The following THSD7B variants were observed in gnomAD, a reference collection of about 807,000 sequenced individuals.
THSD7B encodes the protein thrombospondin type-1 domain-containing protein 7B.
Under a neutral mutation model 213.6 loss-of-function variants are expected in THSD7B, and 138 were observed. That is an observed-to-expected ratio of 0.65 (90% CI 0.56 to 0.74). The LOEUF (loss-of-function observed/expected upper bound fraction) is 0.74. Among genes scored for constraint, THSD7B ranks in the 30% least tolerant of loss-of-function variants. The probability of loss-of-function intolerance (pLI) is 0.00; values close to 1 mark genes in which losing one functional copy is unlikely to be tolerated. For missense variants in THSD7B, 1,931 were observed against 1,991.5 expected (o/e 0.97, Z 0.58); for synonymous variants, 742 against 687.0 (o/e 1.08, Z -1.25).
At chr2:137,132,622 CT>C in intron 5 of THSD7B, among the ~76,000 whole-genome samples, 1 of 152,160 alleles carries the variant, frequency 6.6e-6, no homozygotes, top group East Asian at 1.9e-4. Flanking sequence ...TGTTTTCATT[CT>C]TGTTATCTTT....
At chr2:137,110,005 G>A (rs1276901826) in intron 4 of THSD7B, among the ~76,000 whole-genome samples, 1 of 152,108 alleles carries the variant, frequency 6.6e-6, no homozygotes, top group Non-Finnish European at 1.5e-5. Flanking sequence ...CTTTGGACAG[G>A]CTGCCCTTTT....
chr2:136,842,648 C>A (rs936813841), intron 1 of THSD7B, among the ~76,000 whole-genome samples: 2 of 152,130 alleles, frequency 1.3e-5, no homozygotes, highest in East Asian at 1.9e-4. Flanking sequence ...TTGAGAAGAA[C>A]CTTTTTTTGA....
rs1442041995 is a variant in THSD7B at position 136,882,057 on chromosome 2, A to G, written c.-35-87A>G. The G allele has an allele frequency of 1.1e-5, 12 of 1,087,762 alleles. 1 individual carries two copies. Among genetic ancestry groups the G allele is most frequent in the South Asian group, 7.5e-5 (3 of 40,264 alleles). 67.4% of individuals were successfully genotyped at this position (1,087,762 alleles called of 1,614,324 possible). On this transcript the variant is annotated intron_variant, in intron 1 of 27. Transcript: ENST00000409968. ...ATGCTAATGAAAAACTTGCAATACCATCATAATAAAGGTTCTAGCAGTCAA... is the reference window on the plus strand; with the variant it reads ...ATGCTAATGAAAAACTTGCAATACCGTCATAATAAAGGTTCTAGCAGTCAA...
chr2:136,875,677 C>T (rs1683516588), intron 1 of THSD7B, among the ~76,000 whole-genome samples: 1 of 152,138 alleles, frequency 6.6e-6, no homozygotes, highest in Admixed American at 6.5e-5. Context: ...GGATCTTCTG[C>T]TGTTGGGTCC....
intron 17 of THSD7B, among the ~76,000 whole-genome samples, chr2:137,574,096 T>C (rs1303596408): frequency 1.3e-5 from 2 of 152,064 alleles, no homozygotes; most frequent in African/African-American, 4.8e-5. Context: ...GTCATGATCT[T>C]CCTCACTTTT....
intron 3 of THSD7B, among the ~76,000 whole-genome samples, chr2:137,067,406 T>C (rs1687402504): frequency 6.6e-6 from 1 of 152,172 alleles, no homozygotes; most frequent in Non-Finnish European, 1.5e-5. Flanking sequence ...GTCCTTGTTT[T>C]TGTTCATTTT....
chr2:136,961,477 T>C (rs1288219744), intron 2 of THSD7B, among the ~76,000 whole-genome samples: 1 of 151,990 alleles, frequency 6.6e-6, no homozygotes, highest in Non-Finnish European at 1.5e-5. Flanking sequence ...GCCTCAGCCT[T>C]CCAGAGTGCT....
At chr2:137,418,697 T>G (rs942826766) in intron 14 of THSD7B, among the ~76,000 whole-genome samples, 1 of 152,032 alleles carries the variant, frequency 6.6e-6, no homozygotes, top group Admixed American at 6.5e-5. Flanking sequence ...TCCCTCCTAT[T>G]TTTTCTAGGC....
At chr2:137,087,011 G>A (rs536198843) in intron 3 of THSD7B, among the ~76,000 whole-genome samples, 27 of 152,188 alleles carry the variant, frequency 1.8e-4, no homozygotes, top group African/African-American at 6.5e-4. Context: ...CACTAATTGG[G>A]AAATGAATAC....
At chr2:136,954,678 C>A (rs1685094358) in intron 2 of THSD7B, among the ~76,000 whole-genome samples, 1 of 137,224 alleles carries the variant, frequency 7.3e-6, no homozygotes, top group Non-Finnish European at 1.5e-5. Flanking sequence ...GATGGCGCCA[C>A]TGCACTCCAG....
At chr2:137,465,366 T>A (rs1167016828) in intron 15 of THSD7B, among the ~76,000 whole-genome samples, 5 of 152,100 alleles carry the variant, frequency 3.3e-5, no homozygotes, top group African/African-American at 1.2e-4. Context: ...ATCTACTAGT[T>A]GCCAAACGTG....
chr2:136,886,040 CAAG>C (rs1290129573), intron 2 of THSD7B, among the ~76,000 whole-genome samples: 2 of 151,982 alleles, frequency 1.3e-5, no homozygotes, highest in East Asian at 1.9e-4. Context: ...ATGGTGGGAA[CAAG>C]AAGGACAAAG....
At chr2:137,454,572 A>G (rs1687726005) in intron 15 of THSD7B, among the ~76,000 whole-genome samples, 1 of 151,966 alleles carries the variant, frequency 6.6e-6, no homozygotes, top group African/African-American at 2.4e-5. Flanking sequence ...TGTGTTTGTT[A>G]TACTGTACAT....
chr2:137,092,947 T>C (rs1310581811), intron 3 of THSD7B, among the ~76,000 whole-genome samples: 1 of 152,214 alleles, frequency 6.6e-6, no homozygotes, highest in African/African-American at 2.4e-5. Flanking sequence ...CCCCCTCCCC[T>C]TTTTTAAACC....
At chr2:137,058,510 A>G (rs904348738) in intron 3 of THSD7B, among the ~76,000 whole-genome samples, 6 of 152,124 alleles carry the variant, frequency 3.9e-5, no homozygotes, top group Admixed American at 3.9e-4. Context: ...AAATGAGTGA[A>G]AGTACTGAGT....
intron 17 of THSD7B, among the ~76,000 whole-genome samples, chr2:137,600,713 G>C (rs149754866): frequency 6.6e-6 from 1 of 152,156 alleles, no homozygotes; most frequent in Non-Finnish European, 1.5e-5. Flanking sequence ...ACTCCAGTGT[G>C]GGCAACAGAG....
chr2:137,267,817 G>A (rs1204251551), intron 10 of THSD7B, among the ~76,000 whole-genome samples: 1 of 152,202 alleles, frequency 6.6e-6, no homozygotes, highest in Non-Finnish European at 1.5e-5. Context: ...ACACATAGGT[G>A]ATCTAAATGT....
intron 12 of THSD7B, among the ~76,000 whole-genome samples, chr2:137,333,826 A>G (rs947824472): frequency 3.3e-5 from 5 of 152,210 alleles, no homozygotes; most frequent in Non-Finnish European, 5.9e-5. Context: ...TACAGCAGCC[A>G]CAATAAGAAA....
intron 7 of THSD7B, among the ~76,000 whole-genome samples, chr2:137,224,471 G>A (rs1217491104): frequency 6.6e-6 from 1 of 152,186 alleles, no homozygotes. Context: ...AATAAAGATA[G>A]TTCCCACATA....
Sources: allele counts gnomAD v4.1 joint callset (sites outside exome capture counted in the v4.1 genomes callset), GRCh38; gene constraint gnomAD v4.1.1; transcripts MANE v1.5; gene names NCBI Gene and HGNC (gene_info 2026-07-23, HGNC 2026-07-21).